Variants in TIAM1 observed in about 807,000 individuals in gnomAD.
TIAM1 encodes TIAM Rac1 associated GEF 1, also known as rho guanine nucleotide exchange factor TIAM1.
In TIAM1, 65 loss-of-function variants were observed where a neutral mutation model predicts 163.5. The ratio of observed to expected loss-of-function variants is 0.40; its 90% CI spans 0.33 to 0.49. The LOEUF (loss-of-function observed/expected upper bound fraction) is 0.49, where lower values mean the gene tolerates loss of function less well. Ranked by LOEUF, TIAM1 falls within the 20% of genes least tolerant of loss-of-function variation. TIAM1 has a pLI of 0.77. For synonymous variants in TIAM1, 833 were observed against 810.1 expected, an observed-to-expected ratio of 1.03 and a Z score of -0.48; for missense variants, 1,789 against 2,044.7, an observed-to-expected ratio of 0.87 and a Z score of 2.41.
At chr21:31,555,011 G>A (rs544823444) in intron 1 of TIAM1, among the ~76,000 whole-genome samples, 1 of 152,204 alleles carries the variant, frequency 6.6e-6, no homozygotes, top group South Asian at 2.1e-4. Flanking sequence ...GGAAGGGAAT[G>A]GAAGGGGAAA....
intron 19 of TIAM1, among the ~76,000 whole-genome samples, chr21:31,149,681 C>T (rs78172257): frequency 0.015 from 2,311 of 152,278 alleles, 21 homozygotes; most frequent in Middle Eastern, 0.041. Context: ...TAAAGTATGT[C>T]TATAACCATA....
At chr21:31,202,750 G>C (rs2086264478) in intron 12 of TIAM1, among the ~76,000 whole-genome samples, 158 bp downstream of exon 12, 1 of 152,176 alleles carries the variant, frequency 6.6e-6, no homozygotes, top group Non-Finnish European at 1.5e-5. Context: ...CTGGAATACT[G>C]AGCTAAGTAG....
At chr21:31,539,417 C>G (rs1413493974) in intron 1 of TIAM1, among the ~76,000 whole-genome samples, 2 of 151,076 alleles carry the variant, frequency 1.3e-5, no homozygotes, top group African/African-American at 4.9e-5. Flanking sequence ...AGGCGCCCAC[C>G]ACCACACCCG....
chr21:31,531,612 G>C (rs1234744781), intron 1 of TIAM1, among the ~76,000 whole-genome samples: 1 of 151,994 alleles, frequency 6.6e-6, no homozygotes, highest in Admixed American at 6.6e-5. Flanking sequence ...GAAAGAAATG[G>C]AAAAAGGAGG....
In TIAM1 at chr21:31,335,574, G is replaced by A. The variant is rs138637444; in HGVS notation, c.-189+3669C>T. Among the ~76,000 whole-genome samples the A allele has an allele frequency of 7.0e-4, 106 of 152,078 alleles. No individual in the cohort carries two copies. The East Asian group carries it at 0.02, about 28-fold the overall frequency. Reference sequence around the variant, plus strand: ...ACAAAAATTAGCTGGGCATGGTGGTGCACACCTGTAATCCCAGCTACTTGG... The same window carrying A: ...ACAAAAATTAGCTGGGCATGGTGGTACACACCTGTAATCCCAGCTACTTGG... On this transcript the variant is annotated intron_variant, in intron 2 of 27. Transcript: ENST00000541036.
intron 13 of TIAM1, among the ~76,000 whole-genome samples, chr21:31,191,919 A>C (rs555543815): frequency 2.2e-4 from 34 of 152,344 alleles, no homozygotes; most frequent in African/African-American, 7.7e-4. Flanking sequence ...GATCTTTGCT[A>C]GTTTATCCTT....
chr21:31,287,242 G>T (rs977459538), intron 2 of TIAM1, among the ~76,000 whole-genome samples: 2 of 152,192 alleles, frequency 1.3e-5, no homozygotes, highest in African/African-American at 4.8e-5. Context: ...CTTCTAAATA[G>T]CTACGCTTAG....
rs2071826071 is a variant in TIAM1, at chr21:31,251,863, T to G, written c.1290A>C (p.Ala430=). ...PGQSDILLTA[A]QGTVRKAGAL... ...CGCCGGCCTTGCGCACCGTGCCCTG[T>G]GCGGCGGTCAGCAGGATGTCCGACT... Residue 430 remains alanine (A), a synonymous_variant, in exon 5 of 28, where the codon GCA becomes GCC. Transcript: ENST00000541036. The G allele has an allele frequency of 6.2e-7, 1 of 1,613,892 alleles. No homozygotes were observed. The highest frequency in any genetic ancestry group is 8.5e-7 in the Non-Finnish European group (1 of 1,179,948).
chr21:31,176,308 C>T (rs1270270137), intron 15 of TIAM1, among the ~76,000 whole-genome samples: 3 of 152,210 alleles, frequency 2.0e-5, no homozygotes, highest in Non-Finnish European at 4.4e-5. Flanking sequence ...CCTATTCTAG[C>T]TTCCCCTTCA....
intron 2 of TIAM1, among the ~76,000 whole-genome samples, chr21:31,428,383 A>C (rs971941175): frequency 6.6e-6 from 1 of 152,018 alleles, no homozygotes; most frequent in Non-Finnish European, 1.5e-5. Flanking sequence ...TTCTGGTTTT[A>C]TTGTTATTAT....
intron 13 of TIAM1, among the ~76,000 whole-genome samples, chr21:31,190,979 A>G (rs1360905085): frequency 1.3e-5 from 2 of 152,210 alleles, no homozygotes; most frequent in Non-Finnish European, 2.9e-5. Flanking sequence ...TATTAGATAC[A>G]GATGGGCTGA....
chr21:31,331,632 C>T (rs923294446), intron 2 of TIAM1, among the ~76,000 whole-genome samples: 1 of 152,188 alleles, frequency 6.6e-6, no homozygotes, highest in African/African-American at 2.4e-5. Flanking sequence ...CATTGGACAG[C>T]ACTACTTTCC....
chr21:31,421,153 G>GAA (rs71193116), intron 2 of TIAM1, among the ~76,000 whole-genome samples: 1 of 149,150 alleles, frequency 6.7e-6, no homozygotes, highest in Non-Finnish European at 1.5e-5. Flanking sequence ...GAAAAGAAAA[G>GAA]AAAAAAAAAG....
At chr21:31,359,231 A>AT (rs1569262855) in intron 2 of TIAM1, among the ~76,000 whole-genome samples, 1 of 152,204 alleles carries the variant, frequency 6.6e-6, no homozygotes, top group African/African-American at 2.4e-5. Flanking sequence ...TAATTAATTC[A>AT]TTTAAAATGA....
At chr21:31,171,226 C>T (rs1219836854) in intron 15 of TIAM1, among the ~76,000 whole-genome samples, 1 of 151,916 alleles carries the variant, frequency 6.6e-6, no homozygotes, top group Non-Finnish European at 1.5e-5. Flanking sequence ...AAAATCAGTA[C>T]CAGAGATATA....
intron 1 of TIAM1, among the ~76,000 whole-genome samples, chr21:31,501,935 C>T (rs2253858): frequency 0.78 from 118,544 of 152,180 alleles, 46,392 homozygotes; most frequent in East Asian, 0.87. Flanking sequence ...ACAAAGAAGC[C>T]ACTTGCTTGG....
intron 10 of TIAM1, among the ~76,000 whole-genome samples, chr21:31,212,100 TCAGA>T (rs1163642302): frequency 6.6e-6 from 1 of 152,166 alleles, no homozygotes; most frequent in Non-Finnish European, 1.5e-5. Context: ...ACAGAGATGC[TCAGA>T]CAGTGGCCAT....
intron 2 of TIAM1, among the ~76,000 whole-genome samples, chr21:31,442,089 A>ATATATATATATATATAT (rs1555982237): frequency 4.0e-4 from 49 of 123,844 alleles, no homozygotes; most frequent in East Asian, 9.9e-4. Context: ...ATATATATAG[A>ATATATATATATATATAT]ACAATAAGGG....
chr21:31,413,437 T>C (rs1358064159), intron 2 of TIAM1, among the ~76,000 whole-genome samples: 3 of 151,822 alleles, frequency 2.0e-5, no homozygotes, highest in Non-Finnish European at 4.4e-5. Flanking sequence ...GCCCGGCTAA[T>C]TTTTTTGTAT....
Sources: allele counts gnomAD v4.1 joint callset (sites outside exome capture counted in the v4.1 genomes callset), GRCh38; gene constraint gnomAD v4.1.1; transcripts MANE v1.5; gene names NCBI Gene and HGNC (gene_info 2026-07-23, HGNC 2026-07-21).